Variants in LRRC37A2 observed in about 807,000 individuals in gnomAD.
The protein encoded by LRRC37A2 is leucine rich repeat containing 37 member A2.
LRRC37A2 carries 9 observed loss-of-function variants against 68.8 expected under a neutral mutation model. The observed-to-expected ratio is 0.13, with a 90% CI of 0.08 to 0.23. The LOEUF is 0.23. LRRC37A2 is among the 10% of genes least tolerant of loss of function. The pLI is 1.00. For missense variants in LRRC37A2, 168 were observed against 950.4 expected, an observed-to-expected ratio of 0.18 and a Z score of 10.82; for synonymous variants, 63 against 367.6, an observed-to-expected ratio of 0.17 and a Z score of 9.48.
At chr17:46,610,106 TC>T in the LRRC37A2 span, among the ~76,000 whole-genome samples, 2 of 118,758 alleles carry the variant, frequency 1.7e-5, no homozygotes, top group East Asian at 4.0e-4. Flanking sequence ...TCTTTCTCTC[TC>T]TCTCTCTCTC....
chr17:46,751,768 T>C, the LRRC37A2 span: 1 of 521,132 alleles, frequency 1.9e-6, no homozygotes, highest in East Asian at 3.0e-5. Flanking sequence ...AGTAGCCTGC[T>C]TCTGAGATTG....
the LRRC37A2 span, among the ~76,000 whole-genome samples, chr17:46,957,239 A>G: frequency 2.6e-5 from 4 of 152,160 alleles, no homozygotes; most frequent in African/African-American, 9.7e-5. Context: ...CAGGAGGTGG[A>G]GGTTGCAGTG....
At chr17:47,025,633 TTC>T in the LRRC37A2 span, among the ~76,000 whole-genome samples, 1 of 149,632 alleles carries the variant, frequency 6.7e-6, no homozygotes, top group Non-Finnish European at 1.5e-5. Flanking sequence ...ATCCCTGTAT[TTC>T]TGTCTGTTTA....
the LRRC37A2 span, among the ~76,000 whole-genome samples, chr17:46,880,904 G>T: frequency 6.6e-6 from 1 of 152,200 alleles, no homozygotes; most frequent in Non-Finnish European, 1.5e-5. Context: ...TCATGCTATG[G>T]CAAGCAGCAT....
the LRRC37A2 span, chr17:46,721,978 A>G: frequency 1.2e-6 from 2 of 1,606,196 alleles, no homozygotes; most frequent in South Asian, 2.2e-5. Context: ...GAACGGGAAC[A>G]AAGATTATGA....
the LRRC37A2 span, among the ~76,000 whole-genome samples, chr17:46,867,582 C>T: frequency 6.6e-6 from 1 of 152,224 alleles, no homozygotes; most frequent in Non-Finnish European, 1.5e-5. Context: ...TCCCTGGGGT[C>T]CTGCTGACGG....
At chr17:46,772,166 G>A in the LRRC37A2 span, among the ~76,000 whole-genome samples, 3 of 152,330 alleles carry the variant, frequency 2.0e-5, no homozygotes, top group Non-Finnish European at 1.5e-5. Context: ...TCTGGGCACC[G>A]ACCGGGGCGC....
At chr17:46,759,427 A>G in the LRRC37A2 span, among the ~76,000 whole-genome samples, 1 of 152,258 alleles carries the variant, frequency 6.6e-6, no homozygotes, top group Non-Finnish European at 1.5e-5. Context: ...AAGTGGGTGA[A>G]GACAAAATAT....
At chr17:46,952,466 T>C in the LRRC37A2 span, among the ~76,000 whole-genome samples, 1 of 152,214 alleles carries the variant, frequency 6.6e-6, no homozygotes, top group Non-Finnish European at 1.5e-5. Context: ...TAGCAAGAAG[T>C]CCAGTTGAAG....
chr17:46,808,203 C>G, the LRRC37A2 span, among the ~76,000 whole-genome samples: 1 of 152,314 alleles, frequency 6.6e-6, no homozygotes, highest in African/African-American at 2.4e-5. Flanking sequence ...CTTACCCATC[C>G]CAGGGGCAAC....
At chr17:46,723,948 A>C in the LRRC37A2 span, among the ~76,000 whole-genome samples, 1 of 152,146 alleles carries the variant, frequency 6.6e-6, no homozygotes, top group Non-Finnish European at 1.5e-5. Flanking sequence ...TAAAATTTTA[A>C]CTCATGAAAT....
the LRRC37A2 span, among the ~76,000 whole-genome samples, chr17:47,020,957 G>A: frequency 2.0e-5 from 3 of 151,746 alleles, no homozygotes; most frequent in Non-Finnish European, 4.4e-5. Context: ...CTTTACTTGG[G>A]TCTTAAAGAG....
the LRRC37A2 span, chr17:46,923,170 C>T: frequency 1.3e-6 from 2 of 1,484,986 alleles, no homozygotes; most frequent in Non-Finnish European, 9.2e-7. Flanking sequence ...AGAGCCGGAG[C>T]CGTGGCCTGC....
chr17:46,542,933 T>A (rs1238402537), intron 8 of LRRC37A2, among the ~76,000 whole-genome samples: 1 of 149,852 alleles, frequency 6.7e-6, no homozygotes, highest in Non-Finnish European at 1.5e-5. Context: ...CAGGTCACTT[T>A]CTTATCTTGA....
chr17:46,679,153 T>A, the LRRC37A2 span, among the ~76,000 whole-genome samples: 4 of 152,018 alleles, frequency 2.6e-5, no homozygotes, highest in African/African-American at 9.7e-5. Context: ...CAGATTGTGG[T>A]TACCCATGGG....
the LRRC37A2 span, chr17:46,885,791 C>T: frequency 6.6e-6 from 1 of 152,350 alleles, no homozygotes; most frequent in Non-Finnish European, 1.5e-5. Context: ...GCACCACATC[C>T]CTCCCTGACA....
chr17:46,713,021 T>C, the LRRC37A2 span: 1 of 152,110 alleles, frequency 6.6e-6, no homozygotes, highest in African/African-American at 2.4e-5. Context: ...CCGTAAGATT[T>C]AGTGAGGATG....
the LRRC37A2 span, among the ~76,000 whole-genome samples, chr17:46,837,065 C>A: frequency 6.6e-6 from 1 of 152,150 alleles, no homozygotes; most frequent in Non-Finnish European, 1.5e-5. Context: ...GCCTCAGCCT[C>A]CCAAGTAGCT....
At chr17:46,786,945 T>C in the LRRC37A2 span, among the ~76,000 whole-genome samples, 3 of 151,372 alleles carry the variant, frequency 2.0e-5, no homozygotes, top group Non-Finnish European at 2.9e-5. Flanking sequence ...TTTTTTCTTT[T>C]TTTTTTTTTT....
Sources: allele counts gnomAD v4.1 joint callset (sites outside exome capture counted in the v4.1 genomes callset), GRCh38; gene constraint gnomAD v4.1.1; transcripts MANE v1.5; gene names NCBI Gene and HGNC (gene_info 2026-07-23, HGNC 2026-07-21).